PTPRD: variants seen among roughly 807,000 people sequenced by gnomAD.
PTPRD encodes protein tyrosine phosphatase receptor type D, also known as receptor-type tyrosine-protein phosphatase delta.
In PTPRD, 34 loss-of-function variants were observed where a neutral mutation model predicts 214.5. The observed-to-expected ratio is 0.16, with a 90% confidence interval of 0.12 to 0.21. The LOEUF (loss-of-function observed/expected upper bound fraction) is 0.21, where lower values mean the gene tolerates loss of function less well. Ranked by LOEUF, PTPRD falls within the 10% of genes least tolerant of loss-of-function variation. PTPRD has a pLI of 1.00. For synonymous variants in PTPRD, 1,128 were observed against 845.7 expected, an observed-to-expected ratio of 1.33 and a Z score of -5.79; for missense variants, 2,545 against 2,398.7, an observed-to-expected ratio of 1.06 and a Z score of -1.27.
chr9:8,858,016 T>TTCTCCTCCTCCC (rs2097977671), intron 11 of PTPRD: 1 of 144,682 alleles, frequency 6.9e-6, no homozygotes, highest in Non-Finnish European at 1.5e-5. Context: ...CCGCGGCGGT[T>TTCTCCTCCTCCC]TCTCCTCCTC....
At position 8,840,855 on chromosome 9, in the gene PTPRD, T is replaced by C. The variant is rs145806931; in HGVS notation, c.-103-106909A>G. Among the ~76,000 whole-genome samples, 318 of 152,320 alleles carry C rather than the reference T, an allele frequency of 2.1e-3. 3 individuals carry two copies. Among genetic ancestry groups the C allele is most frequent in the African/African-American group, 7.3e-3 (302 of 41,572 alleles). Reference sequence around the variant, plus strand: ...CACCAATTCTATCAATTAACTACAATACTGTACTGGCTCTGGTACTGCATC... The same window carrying C: ...CACCAATTCTATCAATTAACTACAACACTGTACTGGCTCTGGTACTGCATC... On this transcript the variant is annotated intron_variant, in intron 11 of 45. Coordinates refer to ENST00000381196, the MANE Select transcript of PTPRD (RefSeq NM_002839.4).
chr9:8,761,989 C>T (rs931546639), intron 11 of PTPRD, among the ~76,000 whole-genome samples: 2 of 152,002 alleles, frequency 1.3e-5, no homozygotes, highest in African/African-American at 4.8e-5. Context: ...AACTCAGATG[C>T]CCAATTTAGG....
chr9:10,388,893 C>G (rs2097989212), intron 2 of PTPRD, among the ~76,000 whole-genome samples: 1 of 151,686 alleles, frequency 6.6e-6, no homozygotes, highest in Admixed American at 6.6e-5. Flanking sequence ...CTAATAATAA[C>G]CAATTGTAAG....
intron 3 of PTPRD, among the ~76,000 whole-genome samples, chr9:10,108,543 C>T (rs1259832695): frequency 6.6e-6 from 1 of 151,700 alleles, no homozygotes; most frequent in Admixed American, 6.6e-5. Context: ...TTCTGAGGTA[C>T]CATATATAAA....
At chr9:10,186,940 G>A (rs1029944746) in intron 3 of PTPRD, among the ~76,000 whole-genome samples, 2 of 152,102 alleles carry the variant, frequency 1.3e-5, no homozygotes, top group African/African-American at 4.8e-5. Flanking sequence ...GTTCTTGAGA[G>A]CAGTAACAGT....
intron 33 of PTPRD, chr9:8,454,606 T>TGCA: frequency 6.2e-7 from 1 of 1,612,486 alleles, no homozygotes; most frequent in Non-Finnish European, 8.5e-7. Context: ...TCCATTTTAA[T>TGCA]GCAGCAAAAA....
intron 12 of PTPRD, among the ~76,000 whole-genome samples, chr9:8,642,783 G>A (rs1320098557): frequency 6.6e-6 from 1 of 152,182 alleles, no homozygotes; most frequent in African/African-American, 2.4e-5. Flanking sequence ...GGGGCATCCA[G>A]AGTTTGTGTG....
chr9:8,385,721 T>C (rs1471378977), intron 37 of PTPRD, among the ~76,000 whole-genome samples: 1 of 152,168 alleles, frequency 6.6e-6, no homozygotes, highest in African/African-American at 2.4e-5. Flanking sequence ...ATGATTTTCA[T>C]GTTGTATTAT....
chr9:10,082,498 A>C (rs2098256671), intron 3 of PTPRD, among the ~76,000 whole-genome samples: 1 of 152,080 alleles, frequency 6.6e-6, no homozygotes, highest in Admixed American at 6.6e-5. Context: ...CAATTCTATC[A>C]ACTGGAAATT....
intron 3 of PTPRD, among the ~76,000 whole-genome samples, chr9:10,068,601 T>C (rs2097928901): frequency 6.6e-6 from 1 of 151,900 alleles, no homozygotes. Context: ...CAAACCATAT[T>C]TGTCCCTCTT....
intron 29 of PTPRD, 41 bp downstream of exon 29, chr9:8,485,186 A>G (rs2135852146): frequency 6.5e-7 from 1 of 1,547,118 alleles, no homozygotes; most frequent in South Asian, 1.1e-5. Flanking sequence ...TGTCCCCTCT[A>G]CTTTTATCTG....
intron 9 of PTPRD, among the ~76,000 whole-genome samples, chr9:9,292,517 C>A (rs1208460121): frequency 6.6e-6 from 1 of 151,298 alleles, no homozygotes; most frequent in East Asian, 2.0e-4. Flanking sequence ...ACAAAGAGTT[C>A]TCATATACTC....
chr9:9,544,493 G>A (rs963832550), intron 8 of PTPRD, among the ~76,000 whole-genome samples: 3 of 151,444 alleles, frequency 2.0e-5, no homozygotes, highest in Non-Finnish European at 4.4e-5. Context: ...AATCTCACTT[G>A]AGGGCCTATA....
intron 11 of PTPRD, among the ~76,000 whole-genome samples, chr9:8,933,388 T>C (rs186460874): frequency 3.1e-5 from 4 of 130,186 alleles, no homozygotes; most frequent in African/African-American, 5.8e-5. Context: ...TAGTATAACA[T>C]ACAGATAATA....
chr9:10,515,583 T>A (rs115914342), intron 2 of PTPRD, among the ~76,000 whole-genome samples: 77,353 of 151,352 alleles, frequency 0.51, 20,422 homozygotes, highest in Non-Finnish European at 0.58. Flanking sequence ...TTATTTAAAA[T>A]TTGTAGTAAG....
intron 9 of PTPRD, among the ~76,000 whole-genome samples, chr9:9,330,352 T>G (rs759112973): frequency 6.6e-6 from 1 of 152,154 alleles, no homozygotes; most frequent in Non-Finnish European, 1.5e-5. Flanking sequence ...GAAATACATA[T>G]ACATATTCTC....
intron 14 of PTPRD, among the ~76,000 whole-genome samples, chr9:8,579,746 G>A (rs898367950): frequency 1.3e-5 from 2 of 152,190 alleles, no homozygotes; most frequent in African/African-American, 4.8e-5. Context: ...GATTTATCAG[G>A]TGTTGTAAAC....
rs1554784504 is a variant in PTPRD at position 8,557,455 on chromosome 9, T to TACAC, written c.353-28677_353-28676insGTGT. ...AAATACATATATATATATATATATATATTTGGGCCGGGCGCGGTGGCTCAT... is the reference window on the plus strand; with the variant it reads ...AAATACATATATATATATATATATATACACATTTGGGCCGGGCGCGGTGGCTCAT... On this transcript the variant is annotated intron_variant, in intron 14 of 45. Transcript: ENST00000381196. Among the ~76,000 whole-genome samples the TACAC allele has an allele frequency of 4.8e-4, 65 of 135,632 alleles. 3 individuals carry two copies. Among genetic ancestry groups the TACAC allele is most frequent in the African/African-American group, 2.2e-3 (63 of 28,798 alleles). The allele number at this position is 135,632 out of a possible 152,430, so 89.0% of individuals were successfully genotyped here. A position where few individuals can be genotyped will look rare whatever the true frequency, so the allele number is the denominator to read the frequency against.
chr9:9,797,271 G>C (rs1268269546), intron 5 of PTPRD, among the ~76,000 whole-genome samples: 48 of 109,302 alleles, frequency 4.4e-4, no homozygotes, highest in African/African-American at 1.7e-3. Context: ...TTTTTAAACA[G>C]GCAGTTTAGT....
Sources: gnomAD v4.1 joint callset for allele counts (sites outside exome capture counted in the v4.1 genomes callset) on GRCh38, gnomAD v4.1.1 for gene constraint, MANE v1.5 for transcripts, NCBI Gene and HGNC (gene_info 2026-07-23, HGNC 2026-07-21) for gene names.